ATXN7L1: variants seen among roughly 807,000 people sequenced by gnomAD.
The protein encoded by ATXN7L1 is ataxin 7 like 1.
In ATXN7L1, 15 loss-of-function variants were observed where a neutral mutation model predicts 70.8. The observed-to-expected ratio is 0.21, with a 90% CI of 0.14 to 0.33. The LOEUF is 0.33. Ranked by LOEUF, ATXN7L1 falls within the 10% of genes least tolerant of loss-of-function variation. The probability of loss-of-function intolerance (pLI) is 1.00; values close to 1 mark genes in which losing one functional copy is unlikely to be tolerated. For missense variants in ATXN7L1, 975 were observed against 1,097.1 expected, an observed-to-expected ratio of 0.89 and a Z score of 1.57; for synonymous variants, 440 against 445.1, an observed-to-expected ratio of 0.99 and a Z score of 0.14.
chr7:105,612,964 G>GC (rs957134767), intron 10 of ATXN7L1, among the ~76,000 whole-genome samples: 3 of 152,148 alleles, frequency 2.0e-5, no homozygotes, highest in African/African-American at 7.2e-5. Flanking sequence ...ATGGGTCTAG[G>GC]CTCCCGGGCA....
chr7:105,750,581 C>T lies in ATXN7L1; in HGVS notation c.355+38023G>A, dbSNP rs561496728. Among the ~76,000 whole-genome samples the T allele has an allele frequency of 1.8e-4, 28 of 152,150 alleles. 1 individual carries two copies. The highest frequency in any genetic ancestry group is 3.9e-4 in the Admixed American group (6 of 15,260). ...CTTTGGGAGGCAGAGGCGGGTGCAT[C>T]GCCTGAGGTCAGGCGTTCGAGACCA... On this transcript the variant is annotated intron_variant, in intron 3 of 11. Coordinates refer to ENST00000419735, the MANE Select transcript of ATXN7L1 (RefSeq NM_020725.2).
At chr7:105,615,160 A>AC (rs1175471157) in intron 9 of ATXN7L1, among the ~76,000 whole-genome samples, 2 of 150,682 alleles carry the variant, frequency 1.3e-5, no homozygotes, top group South Asian at 2.1e-4. Flanking sequence ...CACTGCCCCC[A>AC]CCCCCCAACT....
intron 2 of ATXN7L1, among the ~76,000 whole-genome samples, chr7:105,808,291 C>T (rs951243267): frequency 2.6e-5 from 4 of 152,314 alleles, no homozygotes; most frequent in African/African-American, 9.6e-5. Flanking sequence ...GTGAGCCCTA[C>T]TGCAAAGACT....
At chr7:105,827,032 G>A (rs1420102515) in intron 2 of ATXN7L1, among the ~76,000 whole-genome samples, 2 of 152,212 alleles carry the variant, frequency 1.3e-5, no homozygotes, top group Admixed American at 1.3e-4. Flanking sequence ...CAACATCTCA[G>A]AGTAAGGCCA....
At position 105,607,703 on chromosome 7, in the gene ATXN7L1, A is replaced by G. The variant is rs567551074; in HGVS notation, c.*149T>C. 235 of 611,848 alleles carry G rather than the reference A, an allele frequency of 3.8e-4. No homozygotes were observed. Among genetic ancestry groups the G allele is most frequent in the African/African-American group, 3.5e-3 (188 of 54,278 alleles). The allele number at this position is 611,848 out of a possible 1,614,324, so 37.9% of individuals were successfully genotyped here. A position where few individuals can be genotyped will look rare whatever the true frequency, so the allele number is the denominator to read the frequency against. ...CTTTTTAACTAAAAATTGGTCAATTAAAAAAAGAAGAAGAAAGGCCAGAGT... is the reference window on the plus strand; with the variant it reads ...CTTTTTAACTAAAAATTGGTCAATTGAAAAAAGAAGAAGAAAGGCCAGAGT... On this transcript the variant is annotated 3_prime_UTR_variant, in exon 12 of 12. Coordinates refer to ENST00000419735, the MANE Select transcript of ATXN7L1 (RefSeq NM_020725.2).
In ATXN7L1 at chr7:105,833,485, C is replaced by T. The variant is rs139688039; in HGVS notation, c.250+42327G>A. 2.4e-3 allele frequency among the ~76,000 whole-genome samples: 363 copies of T among 152,134 alleles called. 2 individuals carry two copies. Among genetic ancestry groups the T allele is most frequent in the African/African-American group, 8.3e-3 (344 of 41,510 alleles). On this transcript the variant is annotated intron_variant, in intron 2 of 11. Transcript: ENST00000419735. The stretch of plus-strand genomic sequence containing the variant: ...ACCATTTAGAACGTAAAGAATACAG[C>T]GAAGAAAATAAAATCAGCCTTGGAA...
At chr7:105,685,846 AG>A (rs1806129806) in intron 3 of ATXN7L1, among the ~76,000 whole-genome samples, 2 of 152,182 alleles carry the variant, frequency 1.3e-5, no homozygotes, top group Non-Finnish European at 2.9e-5. Flanking sequence ...ACTCCAGCTG[AG>A]GATGTTGGTG....
chr7:105,678,537 A>G (rs527767373), intron 3 of ATXN7L1, among the ~76,000 whole-genome samples: 47 of 152,362 alleles, frequency 3.1e-4, no homozygotes, highest in African/African-American at 1.1e-3. Context: ...CTAGTTTCAA[A>G]CAATTTGTAC....
chr7:105,824,800 A>G (rs1810631493), intron 2 of ATXN7L1, among the ~76,000 whole-genome samples: 1 of 151,936 alleles, frequency 6.6e-6, no homozygotes, highest in Non-Finnish European at 1.5e-5. Flanking sequence ...GGAGTGCCCA[A>G]CCCAAAGAAA....
intron 3 of ATXN7L1, among the ~76,000 whole-genome samples, chr7:105,702,358 T>C (rs1394980120): frequency 1.3e-5 from 2 of 152,190 alleles, no homozygotes; most frequent in African/African-American, 2.4e-5. Flanking sequence ...TTCTGTGCCA[T>C]TGCATTCTTT....
At chr7:105,719,004 G>A (rs1794887966) in intron 3 of ATXN7L1, among the ~76,000 whole-genome samples, 1 of 152,132 alleles carries the variant, frequency 6.6e-6, no homozygotes, top group Non-Finnish European at 1.5e-5. Context: ...GTGTTTCCAT[G>A]TTACATCCTG....
At chr7:105,786,513 G>A (rs1030860843) in intron 3 of ATXN7L1, among the ~76,000 whole-genome samples, 5 of 152,068 alleles carry the variant, frequency 3.3e-5, no homozygotes, top group Admixed American at 1.3e-4. Context: ...TTTGGGTTTC[G>A]TTTTGTTTTA....
intron 3 of ATXN7L1, among the ~76,000 whole-genome samples, chr7:105,690,392 C>T (rs1790615348): frequency 6.6e-6 from 1 of 152,174 alleles, no homozygotes; most frequent in South Asian, 2.1e-4. Context: ...CTATGTCAAG[C>T]CTCATCCTAA....
In ATXN7L1 at chr7:105,760,215, C is replaced by T. The variant is rs1001233509; in HGVS notation, c.355+28389G>A. On this transcript the variant is annotated intron_variant, in intron 3 of 11. Transcript: ENST00000419735. Reference sequence around the variant, plus strand: ...CACCCATCCAATAGATGTTTAATGACCCAGTGTGTCATGCACTGGGAAAAG... The same window carrying T: ...CACCCATCCAATAGATGTTTAATGATCCAGTGTGTCATGCACTGGGAAAAG... 4 of 984,732 alleles carry T rather than the reference C, an allele frequency of 4.1e-6. No homozygotes were observed. The African/African-American group carries it at 7.0e-5, about 17-fold the overall frequency. 61.0% of individuals were successfully genotyped at this position (984,732 alleles called of 1,614,324 possible). A position where few individuals can be genotyped will look rare whatever the true frequency, so the allele number is the denominator to read the frequency against.
chr7:105,857,502 G>A (rs1327312908), intron 2 of ATXN7L1, among the ~76,000 whole-genome samples: 1 of 152,174 alleles, frequency 6.6e-6, no homozygotes, highest in Non-Finnish European at 1.5e-5. Context: ...TTTCTACGCA[G>A]TCAGCAATGC....
chr7:105,755,684 T>A (rs1316787992), intron 3 of ATXN7L1, among the ~76,000 whole-genome samples: 1 of 152,312 alleles, frequency 6.6e-6, no homozygotes, highest in East Asian at 1.9e-4. Context: ...TCAATTTCCC[T>A]CTTAGTGAGA....
chr7:105,866,140 A>G (rs750329186), intron 2 of ATXN7L1, among the ~76,000 whole-genome samples: 4 of 152,084 alleles, frequency 2.6e-5, no homozygotes, highest in Non-Finnish European at 4.4e-5. Flanking sequence ...GCCTTGAGGT[A>G]AGGTCACGTA....
chr7:105,732,825 T>C (rs1316851596), intron 3 of ATXN7L1, among the ~76,000 whole-genome samples: 1 of 152,208 alleles, frequency 6.6e-6, no homozygotes, highest in African/African-American at 2.4e-5. Context: ...GCTGGGCTCA[T>C]AGCTGTTCCT....
chr7:105,750,505 C>T (rs1799078411), intron 3 of ATXN7L1, among the ~76,000 whole-genome samples: 1 of 151,826 alleles, frequency 6.6e-6, no homozygotes, highest in African/African-American at 2.4e-5. Flanking sequence ...GAACTCCCTC[C>T]TTGGCCTCTC....
Sources: allele counts gnomAD v4.1 joint callset (sites outside exome capture counted in the v4.1 genomes callset), GRCh38; gene constraint gnomAD v4.1.1; transcripts MANE v1.5; gene names NCBI Gene and HGNC (gene_info 2026-07-23, HGNC 2026-07-21).